Variants in ANKRD10 observed in about 807,000 individuals in gnomAD.
The protein encoded by ANKRD10 is ankyrin repeat domain-containing protein 10.
A neutral mutation model predicts 27.0 loss-of-function variants in ANKRD10; 14 were observed. The observed-to-expected ratio is 0.52, with a 90% CI of 0.34 to 0.81. The LOEUF (loss-of-function observed/expected upper bound fraction) is 0.81. ANKRD10 is among the 40% of genes least tolerant of loss of function. The pLI is 0.01. For synonymous variants in ANKRD10, 250 were observed against 224.5 expected, an observed-to-expected ratio of 1.11 and a Z score of -1.01; for missense variants, 493 against 544.0, an observed-to-expected ratio of 0.91 and a Z score of 0.93.
At chr13:110,892,652 C>A in intron 4 of ANKRD10, 5 of 853,642 alleles carry the variant, frequency 5.9e-6, no homozygotes, top group South Asian at 5.0e-5. Flanking sequence ...TTTATAAGCC[C>A]AGGAACATTT....
chr13:110,881,465 CT>C (rs3839994), intron 5 of ANKRD10, among the ~76,000 whole-genome samples: 98,987 of 151,792 alleles, frequency 0.65, 32,804 homozygotes, highest in East Asian at 0.85. Context: ...ATTAATCATC[CT>C]TTTTTTTTAT....
chr13:110,893,565 T>C (rs2065140462), intron 3 of ANKRD10, among the ~76,000 whole-genome samples: 1 of 152,252 alleles, frequency 6.6e-6, no homozygotes, highest in Non-Finnish European at 1.5e-5. Context: ...TTACGCTAAC[T>C]TCAGACTTGA....
intron 2 of ANKRD10, among the ~76,000 whole-genome samples, chr13:110,906,417 CGT>C (rs1566489218): frequency 1.3e-5 from 2 of 151,976 alleles, no homozygotes; most frequent in African/African-American, 2.4e-5. Flanking sequence ...GATCTTAGCA[CGT>C]GTGTTTTATA....
chr13:110,900,641 T>C, intron 3 of ANKRD10: 4 of 1,352,086 alleles, frequency 3.0e-6, no homozygotes, highest in Non-Finnish European at 3.9e-6. Context: ...CTATATGGAA[T>C]GCTCCCCCTT....
In ANKRD10 at chr13:110,883,905, T is replaced by TA. The variant is rs543544838; in HGVS notation, c.692-113dup. 4,577 of 998,160 alleles carry TA rather than the reference T, an allele frequency of 4.6e-3. 51 individuals carry two copies. The Admixed American group carries it at 0.059, about 13-fold the overall frequency. 61.8% of individuals were successfully genotyped at this position (998,160 alleles called of 1,614,324 possible). On this transcript the variant is annotated intron_variant, in intron 4 of 5. Transcript: ENST00000267339. ...GCACTGAACACTTTAAACAATCACA[T>TA]AAAAAAAAATCGACAGGTCACTAAT...
rs533298708 is a variant in ANKRD10 at position 110,910,052 on chromosome 13, T to C, written c.363+566A>G. ...CTAAGTACCTAACAATCTGAATGCG[T>C]GTGTGTTTGGTTTAGGTGAAATGAT... On this transcript the variant is annotated intron_variant, in intron 2 of 5. Transcript: ENST00000267339. 5.3e-5 allele frequency among the ~76,000 whole-genome samples: 8 copies of C among 152,288 alleles called. No homozygotes were observed. In the South Asian group the frequency reaches 1.0e-3, roughly 20 times the overall value.
intron 2 of ANKRD10, among the ~76,000 whole-genome samples, chr13:110,906,356 T>C (rs755277316): frequency 6.6e-6 from 1 of 152,136 alleles, no homozygotes; most frequent in African/African-American, 2.4e-5. Flanking sequence ...GCCTCTCCAG[T>C]AGTGACAGCG....
intron 3 of ANKRD10, chr13:110,900,567 C>T (rs1224405676): frequency 2.2e-6 from 3 of 1,350,610 alleles, no homozygotes; most frequent in South Asian, 2.3e-5. Context: ...GGAAGCGATA[C>T]TGAACATTCA....
intron 3 of ANKRD10, chr13:110,900,515 C>G: frequency 7.9e-7 from 1 of 1,270,846 alleles, no homozygotes; most frequent in Non-Finnish European, 1.0e-6. Context: ...TAAAACCAAT[C>G]ACCGCAACAA....
chr13:110,901,207 T>G (rs2138862908), intron 3 of ANKRD10, among the ~76,000 whole-genome samples: 1 of 152,360 alleles, frequency 6.6e-6, no homozygotes, highest in South Asian at 2.1e-4. Context: ...ACATGTGTAT[T>G]TTTAACCCTT....
In ANKRD10 at chr13:110,893,015, A is replaced by C; in HGVS notation, c.691+13T>G. The stretch of plus-strand genomic sequence containing the variant: ...AAATAAGTGTGCTCTTCCCACCCGC[A>C]AAGCGGTCTCACCTTCAGTTCTAGC... On this transcript the variant is annotated intron_variant, in intron 4 of 5. Transcript: ENST00000267339. 6.2e-7 allele frequency: 1 copy of C among 1,612,992 alleles called. No homozygotes were observed. Among genetic ancestry groups the C allele is most frequent in the South Asian group, 1.1e-5 (1 of 90,952 alleles).
Position 110,893,177 on chromosome 13 carries a change from TG to T in ANKRD10, c.541del (p.Gln181ArgfsTer5), listed in dbSNP as rs2065129844. On this transcript the variant is annotated frameshift_variant, in exon 4 of 6. Transcript: ENST00000267339. LOFTEE classifies it high-confidence loss of function. ...QECAQFLLNL[Q>X]NCHLNHFYNN... is the part of the protein sequence containing the mutation. Reference sequence around the variant, plus strand: ...ATAGAAATGGTTCAGATGACAATTCTGGAGGTTCAAGAGAAACTGGGCACAC... The same window carrying T: ...ATAGAAATGGTTCAGATGACAATTCTGAGGTTCAAGAGAAACTGGGCACAC... 6.2e-7 allele frequency: 1 copy of T among 1,614,086 alleles called. No homozygotes were observed. Among genetic ancestry groups the T allele is most frequent in the Non-Finnish European group, 8.5e-7 (1 of 1,180,040 alleles).
intron 3 of ANKRD10, among the ~76,000 whole-genome samples, chr13:110,902,944 G>C (rs757904621): frequency 2.0e-5 from 3 of 152,254 alleles, no homozygotes; most frequent in Non-Finnish European, 4.4e-5. Flanking sequence ...CCAAATTACT[G>C]AAAGTACAGC....
At chr13:110,893,979 T>TAC (rs2065151044) in intron 3 of ANKRD10, 1 of 636,706 alleles carries the variant, frequency 1.6e-6, no homozygotes, top group East Asian at 2.8e-5. Context: ...ACCAAAGTTT[T>TAC]ACCTGGCTAA....
Position 110,879,566 on chromosome 13 carries a change from G to T in ANKRD10, c.*71C>A. The T allele has an allele frequency of 1.7e-6, 2 of 1,157,476 alleles. No homozygotes were observed. The highest frequency in any genetic ancestry group is 1.2e-6 in the Non-Finnish European group (1 of 802,950). The allele number at this position is 1,157,476 out of a possible 1,614,324, so 71.7% of individuals were successfully genotyped here. On this transcript the variant is annotated 3_prime_UTR_variant, in exon 6 of 6. Coordinates refer to ENST00000267339, the MANE Select transcript of ANKRD10 (RefSeq NM_017664.4). ...ACAAGTTGTGACATTCGTTCAAGTT[G>T]CTGCTACATGGGTATTCTGAGCTGG...
At position 110,879,375 on chromosome 13, in the gene ANKRD10, T is replaced by C. The variant is rs1337636288; in HGVS notation, c.*262A>G. 4.5e-6 allele frequency: 2 copies of C among 443,348 alleles called. No individual in the cohort carries two copies. Among genetic ancestry groups the C allele is most frequent in the Non-Finnish European group, 8.1e-6 (2 of 246,084 alleles). The allele number at this position is 443,348 out of a possible 1,614,324, so 27.5% of individuals were successfully genotyped here. A position where few individuals can be genotyped will look rare whatever the true frequency, so the allele number is the denominator to read the frequency against. On this transcript the variant is annotated 3_prime_UTR_variant, in exon 6 of 6. Coordinates refer to ENST00000267339, the MANE Select transcript of ANKRD10 (RefSeq NM_017664.4). ...TCTGGTGACAGTATTAAAAAGACAA[T>C]GTTGAGATTGGCATCAGAAAAACTC...
At chr13:110,882,470 T>G (rs1295586682) in intron 5 of ANKRD10, among the ~76,000 whole-genome samples, 1 of 152,214 alleles carries the variant, frequency 6.6e-6, no homozygotes, top group Non-Finnish European at 1.5e-5. Flanking sequence ...GGACTCGGCA[T>G]CTGGTAGACG....
rs187592325 is a variant in ANKRD10, at chr13:110,893,333, G to A, written c.456-70C>T. On this transcript the variant is annotated intron_variant, in intron 3 of 5. Transcript: ENST00000267339. ...ACCTGGTCTCTGCTCCTGCTGAACT[G>A]ACTAGCTATCTGAAGGTGGTATGAA... The A allele has an allele frequency of 3.1e-3, 4,532 of 1,448,514 alleles. 14 individuals are homozygous for A. Among genetic ancestry groups the A allele is most frequent in the Admixed American group, 6.3e-3 (304 of 48,394 alleles). 89.7% of individuals were successfully genotyped at this position (1,448,514 alleles called of 1,614,324 possible).
At chr13:110,891,891 T>TTTTTA (rs1253919325) in intron 4 of ANKRD10, among the ~76,000 whole-genome samples, 1 of 146,258 alleles carries the variant, frequency 6.8e-6, no homozygotes, top group South Asian at 2.3e-4. Context: ...TTTTTTTTTT[T>TTTTTA]AAATAGAGAC....
Sources: allele counts gnomAD v4.1 joint callset (sites outside exome capture counted in the v4.1 genomes callset), GRCh38; gene constraint gnomAD v4.1.1; transcripts MANE v1.5; gene names NCBI Gene and HGNC (gene_info 2026-07-23, HGNC 2026-07-21).